Variants in GYG1 observed in about 807,000 individuals in gnomAD.
GYG1 encodes glycogenin-1.
A neutral mutation model predicts 41.9 loss-of-function variants in GYG1; 44 were observed. The ratio of observed to expected loss-of-function variants is 1.05; its 90% CI spans 0.83 to 1.35. GYG1 has a LOEUF of 1.35. Among genes scored for constraint, GYG1 ranks in the 40% most tolerant of loss-of-function variants. The pLI is 0.00. For synonymous variants in GYG1, 141 were observed against 158.1 expected (o/e 0.89, Z 0.81); for missense variants, 429 against 418.9 (o/e 1.02, Z -0.21).
chr3:149,003,779 T>G (rs116308041), intron 4 of GYG1, among the ~76,000 whole-genome samples: 3,087 of 152,154 alleles, frequency 0.02, 68 homozygotes, highest in Middle Eastern at 0.058. Flanking sequence ...GGGGGAACAT[T>G]CCTTTGGCTG....
At chr3:148,994,426 A>G (rs1413696190) in intron 2 of GYG1, 149 bp downstream of exon 2, 2 of 851,618 alleles carry the variant, frequency 2.3e-6, no homozygotes, top group Non-Finnish European at 2.0e-6. Flanking sequence ...GGATTGCTGT[A>G]TTTGAAACCT....
chr3:149,026,847 G>C lies in GYG1; in HGVS notation c.967G>C (p.Glu323Gln). ...GTTTGTATCCTCGGAAGAACGGAAG[G>C]AACGATGGGAACAGGGCCAGGCTGA... ...QPFVSSEERK[E>Q]RWEQGQADYM... is the part of the protein sequence containing the mutation. The change falls in exon 8 of 8, where the codon GAA becomes CAA. Residue 323 changes from glutamate (E) to glutamine (Q), a missense_variant. Glu to Gln is a conservative substitution (Grantham distance 29). Transcript: ENST00000345003. 1 of 1,613,968 alleles carries C rather than the reference G, an allele frequency of 6.2e-7. No homozygotes were observed.
At chr3:149,022,134 T>G (rs551535012) in intron 5 of GYG1, among the ~76,000 whole-genome samples, 86 of 152,334 alleles carry the variant, frequency 5.6e-4, no homozygotes, top group South Asian at 3.3e-3. Context: ...CTTCCTGCTG[T>G]GAATTCCTGA....
intron 4 of GYG1, chr3:149,008,304 G>A (rs1196840163): frequency 6.6e-6 from 1 of 152,298 alleles, no homozygotes; most frequent in East Asian, 1.9e-4. Context: ...TGATCCCTAT[G>A]TGGTCTGGTC....
chr3:149,018,561 C>T (rs1714193900), intron 5 of GYG1, among the ~76,000 whole-genome samples: 1 of 152,070 alleles, frequency 6.6e-6, no homozygotes, highest in Non-Finnish European at 1.5e-5. Flanking sequence ...CTATCCAAGC[C>T]CCATTTTTCC....
chr3:148,998,157 A>G (rs76167897), intron 4 of GYG1, among the ~76,000 whole-genome samples: 3,096 of 152,294 alleles, frequency 0.02, 68 homozygotes, highest in Middle Eastern at 0.058. Flanking sequence ...CATTGTTGCT[A>G]TTCACAGAAA....
In GYG1 at chr3:149,023,724, G is replaced by A. The variant is rs556896522; in HGVS notation, c.609-329G>A. On this transcript the variant is annotated intron_variant, in intron 5 of 7. Transcript: ENST00000345003. Reference sequence around the variant, plus strand: ...CTTACTGCAGGATGGAAAGTACACTGTTAAAGCCACAGAATAGGGAGGCCA... The same window carrying A: ...CTTACTGCAGGATGGAAAGTACACTATTAAAGCCACAGAATAGGGAGGCCA... Among the ~76,000 whole-genome samples the A allele has an allele frequency of 1.1e-4, 17 of 152,286 alleles. No homozygotes were observed. In the South Asian group the frequency reaches 3.3e-3, roughly 30 times the overall value.
Position 149,024,035 on chromosome 3 carries a change from C to G in GYG1, c.609-18C>G. 6.3e-7 allele frequency: 1 copy of G among 1,586,760 alleles called. No individual in the cohort carries two copies. Among genetic ancestry groups the G allele is most frequent in the Non-Finnish European group, 8.7e-7 (1 of 1,155,054 alleles). ...ACTCAGAATCCACTAACTGTTTCAA[C>G]TTGCGTTCACTTGGCAGGTTTGGTG... On this transcript the variant is annotated intron_variant, in intron 5 of 7. Transcript: ENST00000345003.
At chr3:149,004,708 C>T (rs926175809) in intron 4 of GYG1, among the ~76,000 whole-genome samples, 1 of 152,140 alleles carries the variant, frequency 6.6e-6, no homozygotes, top group Non-Finnish European at 1.5e-5. Context: ...CTGTGTTGTC[C>T]CCTCTGGAGC....
intron 4 of GYG1, among the ~76,000 whole-genome samples, chr3:149,006,539 G>A (rs901948155): frequency 1.3e-5 from 2 of 152,156 alleles, no homozygotes; most frequent in African/African-American, 4.8e-5. Flanking sequence ...TTCACTGAGT[G>A]TAATTAATTT....
chr3:149,010,784 G>A lies in GYG1; in HGVS notation c.608+1382G>A, dbSNP rs1428921660. ...TGAACAGGGGACTAGCTGTCAGGTC[G>A]ATCCTGAGACAGTTGTGAGCAGCAC... On this transcript the variant is annotated intron_variant, in intron 5 of 7. Coordinates refer to ENST00000345003, the MANE Select transcript of GYG1 (RefSeq NM_004130.4). 5.9e-5 allele frequency among the ~76,000 whole-genome samples: 9 copies of A among 152,190 alleles called. 1 individual carries two copies. The South Asian group carries it at 1.2e-3, about 21-fold the overall frequency.
At chr3:149,009,218 TA>T in intron 4 of GYG1, 57 bp from the exon 5 acceptor site, 1 of 1,354,814 alleles carries the variant, frequency 7.4e-7, no homozygotes, top group South Asian at 1.2e-5. Flanking sequence ...TGTGCTCCTA[TA>T]AAATTATTAA....
intron 4 of GYG1, among the ~76,000 whole-genome samples, chr3:148,998,314 G>A (rs1048531900): frequency 1.3e-5 from 2 of 152,136 alleles, no homozygotes; most frequent in East Asian, 3.8e-4. Flanking sequence ...TCAAAACAAG[G>A]GTGATTATGT....
intron 5 of GYG1, among the ~76,000 whole-genome samples, chr3:149,012,242 T>C (rs1198836525): frequency 2.0e-5 from 3 of 152,184 alleles, no homozygotes; most frequent in Admixed American, 6.5e-5. Flanking sequence ...TCTCCAAAGA[T>C]CCCTGTGAAT....
In GYG1 at chr3:149,026,813, G is replaced by A. The variant is rs2107924879; in HGVS notation, c.933G>A (p.Met311Ile). The A allele has an allele frequency of 1.2e-6, 2 of 1,613,978 alleles. No homozygotes were observed. The highest frequency in any genetic ancestry group is 1.1e-5 in the South Asian group (1 of 91,056). ...SHLSLGEIPA[M>I]AQPFVSSEER... ...TGTCCCTTGGGGAGATCCCAGCTAT[G>A]GCACAGCCGTTTGTATCCTCGGAAG... The change falls in exon 8 of 8, where the codon ATG becomes ATA. Residue 311 changes from methionine to isoleucine, a missense_variant. Physicochemically the swap from Met to Ile is conservative, Grantham distance 10 (BLOSUM62 1). Transcript: ENST00000345003.
intron 2 of GYG1, among the ~76,000 whole-genome samples, chr3:148,996,061 A>G (rs1473932278): frequency 6.6e-6 from 1 of 152,232 alleles, no homozygotes; most frequent in Non-Finnish European, 1.5e-5. Flanking sequence ...ACGTTTTAAG[A>G]TGAGCATTTC....
At chr3:149,022,590 G>A (rs1395339096) in intron 5 of GYG1, among the ~76,000 whole-genome samples, 1 of 137,894 alleles carries the variant, frequency 7.3e-6, no homozygotes, top group Non-Finnish European at 1.5e-5. Flanking sequence ...CCGACTCCCG[G>A]GTTCAAGGGA....
intron 5 of GYG1, among the ~76,000 whole-genome samples, chr3:149,019,273 C>T (rs1714235399): frequency 6.6e-6 from 1 of 152,126 alleles, no homozygotes; most frequent in Admixed American, 6.6e-5. Context: ...TCAAGTTTGC[C>T]ACTCAGTAAA....
intron 4 of GYG1, among the ~76,000 whole-genome samples, chr3:149,000,282 T>G (rs1157855467): frequency 6.6e-6 from 1 of 152,096 alleles, no homozygotes; most frequent in African/African-American, 2.4e-5. Flanking sequence ...TAATGAAGAG[T>G]CAAACTTCTA....
Sources: allele counts gnomAD v4.1 joint callset (sites outside exome capture counted in the v4.1 genomes callset), GRCh38; gene constraint gnomAD v4.1.1; transcripts MANE v1.5; gene names NCBI Gene and HGNC (gene_info 2026-07-23, HGNC 2026-07-21).